The following NEK11 variants were observed in gnomAD, a reference collection of about 807,000 sequenced individuals.
NEK11 encodes the protein serine/threonine-protein kinase Nek11.
A neutral mutation model predicts 80.7 loss-of-function variants in NEK11; 72 were observed. The ratio of observed to expected loss-of-function variants is 0.89; its 90% CI spans 0.74 to 1.08. The LOEUF (loss-of-function observed/expected upper bound fraction) is 1.08. Ranked by LOEUF, NEK11 falls within the 50% of genes least tolerant of loss-of-function variation. The pLI, the probability that NEK11 is intolerant of heterozygous loss-of-function variation, is 0.00. For synonymous variants in NEK11, 251 were observed against 260.7 expected, an observed-to-expected ratio of 0.96 and a Z score of 0.36; for missense variants, 764 against 763.6, an observed-to-expected ratio of 1.00 and a Z score of -0.01.
chr3:131,209,835 C>T (rs2094554884), intron 14 of NEK11, among the ~76,000 whole-genome samples: 1 of 152,132 alleles, frequency 6.6e-6, no homozygotes, highest in Non-Finnish European at 1.5e-5. Flanking sequence ...GTGATATCCC[C>T]TTTATCATTT....
intron 9 of NEK11, among the ~76,000 whole-genome samples, chr3:131,153,527 G>T (rs1442310343): frequency 1.3e-5 from 2 of 151,942 alleles, no homozygotes; most frequent in African/African-American, 2.4e-5. Flanking sequence ...ACTTCTCAGG[G>T]TTTTACAATA....
intron 17 of NEK11, among the ~76,000 whole-genome samples, chr3:131,319,585 G>T (rs2096877284): frequency 6.6e-6 from 1 of 152,120 alleles, no homozygotes; most frequent in Non-Finnish European, 1.5e-5. Context: ...GTAACTTGGT[G>T]GTGGGTCTGT....
At chr3:131,170,264 G>C (rs1453041255) in intron 13 of NEK11, among the ~76,000 whole-genome samples, 1 of 152,084 alleles carries the variant, frequency 6.6e-6, no homozygotes, top group African/African-American at 2.4e-5. Context: ...TTATTTTTTT[G>C]AAGTGTGAAT....
intron 15 of NEK11, among the ~76,000 whole-genome samples, chr3:131,237,608 A>G (rs1443146821): frequency 6.6e-6 from 1 of 152,090 alleles, no homozygotes; most frequent in Non-Finnish European, 1.5e-5. Context: ...AGGAGTCTCT[A>G]ATAGACATCC....
intron 16 of NEK11, among the ~76,000 whole-genome samples, chr3:131,270,627 C>G (rs1432925011): frequency 6.6e-6 from 1 of 152,054 alleles, no homozygotes; most frequent in Non-Finnish European, 1.5e-5. Flanking sequence ...GAAAGTTGGC[C>G]AATAAGAAAC....
intron 17 of NEK11, among the ~76,000 whole-genome samples, chr3:131,340,936 A>G (rs968396365): frequency 1.3e-5 from 2 of 152,232 alleles, no homozygotes; most frequent in African/African-American, 4.8e-5. Flanking sequence ...GAAATAGAAA[A>G]CAATGAAAAT....
chr3:131,096,923 C>T (rs1399049030), intron 4 of NEK11, among the ~76,000 whole-genome samples: 1 of 123,414 alleles, frequency 8.1e-6, no homozygotes, highest in African/African-American at 3.1e-5. Context: ...ATGTGATGTT[C>T]CCCTTCCTGT....
At chr3:131,192,189 C>A (rs1277347151) in intron 14 of NEK11, among the ~76,000 whole-genome samples, 4 of 152,120 alleles carry the variant, frequency 2.6e-5, no homozygotes, top group Non-Finnish European at 5.9e-5. Context: ...TAAAATGATG[C>A]TCCATATCAC....
intron 17 of NEK11, among the ~76,000 whole-genome samples, chr3:131,286,873 G>C (rs1277175002): frequency 2.0e-5 from 3 of 152,198 alleles, no homozygotes; most frequent in Non-Finnish European, 2.9e-5. Context: ...GAATCAAGGA[G>C]TTTCACCTGT....
intron 14 of NEK11, among the ~76,000 whole-genome samples, chr3:131,224,313 C>T (rs904531723): frequency 2.0e-5 from 3 of 152,052 alleles, no homozygotes; most frequent in African/African-American, 7.3e-5. Flanking sequence ...CTGCATCCTC[C>T]ACCTTCCAGG....
intron 3 of NEK11, among the ~76,000 whole-genome samples, chr3:131,037,711 A>G (rs2065862233): frequency 6.6e-6 from 1 of 152,248 alleles, no homozygotes; most frequent in Non-Finnish European, 1.5e-5. Flanking sequence ...ATATTTATAT[A>G]TTGTACCTAC....
chr3:131,098,940 C>T (rs2077927511), intron 4 of NEK11, among the ~76,000 whole-genome samples: 1 of 151,616 alleles, frequency 6.6e-6, no homozygotes, highest in Non-Finnish European at 1.5e-5. Context: ...TTTGTTTACT[C>T]TGTTGATAGT....
intron 17 of NEK11, among the ~76,000 whole-genome samples, chr3:131,341,582 A>G (rs2097287318): frequency 6.6e-6 from 1 of 152,220 alleles, no homozygotes; most frequent in Admixed American, 6.5e-5. Flanking sequence ...TGCTTCACTT[A>G]TCAATAACTG....
chr3:131,186,890 T>C (rs1014862148), intron 14 of NEK11, among the ~76,000 whole-genome samples: 1 of 152,202 alleles, frequency 6.6e-6, no homozygotes, highest in Admixed American at 6.6e-5. Context: ...ATTTTCCTGA[T>C]ACATAGGGAT....
intron 5 of NEK11, among the ~76,000 whole-genome samples, chr3:131,122,067 G>T (rs762772471): frequency 1.3e-5 from 2 of 152,218 alleles, no homozygotes; most frequent in Non-Finnish European, 2.9e-5. Context: ...TGTCGCTCAT[G>T]CTGGGAGCTG....
intron 3 of NEK11, among the ~76,000 whole-genome samples, chr3:131,042,149 CA>C (rs1397733479): frequency 2.4e-4 from 36 of 152,196 alleles, no homozygotes; most frequent in Admixed American, 7.9e-4. Context: ...CCCTGGGTTT[CA>C]AGCACAAAAC....
chr3:131,077,382 T>C (rs1295647416), intron 3 of NEK11, among the ~76,000 whole-genome samples: 1 of 152,168 alleles, frequency 6.6e-6, no homozygotes, highest in East Asian at 1.9e-4. Context: ...GTAAGGAAGG[T>C]GAACGTCTCC....
At chr3:131,167,849 AC>A (rs2092367983) in intron 12 of NEK11, among the ~76,000 whole-genome samples, 1 of 152,164 alleles carries the variant, frequency 6.6e-6, no homozygotes, top group Non-Finnish European at 1.5e-5. Context: ...AGGGGAAGCG[AC>A]CGATGCTGAT....
In NEK11 at chr3:131,168,712, A is replaced by T. The variant is rs1368406474; in HGVS notation, c.1177-118A>T. 1.6e-5 allele frequency: 11 copies of T among 667,582 alleles called. No individual in the cohort carries two copies. In the Admixed American group the frequency reaches 3.2e-4, roughly 19 times the overall value. The allele number at this position is 667,582 out of a possible 1,614,324, so 41.4% of individuals were successfully genotyped here. A position where few individuals can be genotyped will look rare whatever the true frequency, so the allele number is the denominator to read the frequency against. The stretch of plus-strand genomic sequence containing the variant: ...TTCCTATGCTGCTGGTCTGTTTCCT[A>T]TGTATACCTTGATTAATAATGAATA... On this transcript the variant is annotated intron_variant, in intron 12 of 17. Transcript: ENST00000383366.
Sources: gnomAD v4.1 joint callset for allele counts (sites outside exome capture counted in the v4.1 genomes callset) on GRCh38, gnomAD v4.1.1 for gene constraint, MANE v1.5 for transcripts, NCBI Gene and HGNC (gene_info 2026-07-23, HGNC 2026-07-21) for gene names.